Variants in COL23A1 observed in about 807,000 individuals in gnomAD.
The protein encoded by COL23A1 is collagen type XXIII alpha 1 chain.
COL23A1 carries 97 observed loss-of-function variants against 99.3 expected under a neutral mutation model. The ratio of observed to expected loss-of-function variants is 0.98; its 90% CI spans 0.83 to 1.16. COL23A1 has a LOEUF of 1.16. COL23A1 is among the 50% of genes most tolerant of loss of function. The probability of loss-of-function intolerance (pLI) is 0.00; values close to 1 mark genes in which losing one functional copy is unlikely to be tolerated. For missense variants in COL23A1, 762 were observed against 757.4 expected (o/e 1.01, Z -0.07); for synonymous variants, 320 against 308.2 (o/e 1.04, Z -0.40).
At chr5:178,441,459 T>G (rs185180053) in intron 2 of COL23A1, among the ~76,000 whole-genome samples, 1 of 152,192 alleles carries the variant, frequency 6.6e-6, no homozygotes, top group East Asian at 1.9e-4. Context: ...CACACACTAT[T>G]GAGAATTTTA....
rs975644010 is a variant in COL23A1, at chr5:178,309,649, T to C, written c.362-2730A>G. Among the ~76,000 whole-genome samples the C allele has an allele frequency of 2.0e-5, 3 of 150,906 alleles. No homozygotes were observed. Among genetic ancestry groups the C allele is most frequent in the Admixed American group, 2.0e-4 (3 of 15,182 alleles). ...CCCGACTTCCCACGCGCCCCCTGCC[T>C]CCCTTGTTACTTACCTGCAGGTCCC... On this transcript the variant is annotated intron_variant, in intron 2 of 28. Coordinates refer to ENST00000390654, the MANE Select transcript of COL23A1 (RefSeq NM_173465.4). This position sits in a 1 kb window ranked among gnomAD's most constrained non-coding sequence, Gnocchi z 4.7.
At chr5:178,380,898 A>AT (rs1331455184) in intron 2 of COL23A1, among the ~76,000 whole-genome samples, 1 of 152,188 alleles carries the variant, frequency 6.6e-6, no homozygotes, top group African/African-American at 2.4e-5. Flanking sequence ...TGAGCAGGGC[A>AT]GGGGAGTGGG....
intron 2 of COL23A1, among the ~76,000 whole-genome samples, chr5:178,486,413 C>G (rs1023562437): frequency 6.6e-6 from 1 of 152,096 alleles, no homozygotes; most frequent in Non-Finnish European, 1.5e-5. Flanking sequence ...GAGGGTGAAC[C>G]GTGATGAGAA....
intron 2 of COL23A1, among the ~76,000 whole-genome samples, chr5:178,530,395 G>A (rs1435849595): frequency 6.6e-6 from 1 of 152,146 alleles, no homozygotes; most frequent in Non-Finnish European, 1.5e-5. Flanking sequence ...CTGGAAAGTG[G>A]AGACTGCAGT....
At chr5:178,490,915 T>C (rs112951589) in intron 2 of COL23A1, among the ~76,000 whole-genome samples, 87 of 152,250 alleles carry the variant, frequency 5.7e-4, no homozygotes, top group African/African-American at 2.0e-3. Flanking sequence ...TCGAGGAGCT[T>C]GACTTTAAAA....
In COL23A1 at chr5:178,247,589, G is replaced by A. The variant is rs201805232; in HGVS notation, c.1270-37C>T. ...GGAAGCAGATAAGAAGGCTGGCTCC[G>A]GACCCTCTTGCAGTGGCCACTCACT... On this transcript the variant is annotated intron_variant, in intron 21 of 28. Transcript: ENST00000390654. 1.3e-4 allele frequency: 210 copies of A among 1,613,220 alleles called. 1 individual carries two copies. In the Admixed American group the frequency reaches 2.6e-3, roughly 20 times the overall value.
chr5:178,368,468 G>C (rs1254060353), intron 2 of COL23A1, among the ~76,000 whole-genome samples: 1 of 152,196 alleles, frequency 6.6e-6, no homozygotes, highest in Admixed American at 6.5e-5. Context: ...CATAGTGTAC[G>C]TTAGGGTTCA....
chr5:178,399,417 A>G (rs1365893367), intron 2 of COL23A1, among the ~76,000 whole-genome samples: 2 of 152,240 alleles, frequency 1.3e-5, no homozygotes. Flanking sequence ...GCCCAGTCCA[A>G]CACTTTTACA....
At chr5:178,514,584 G>A (rs1309336176) in intron 2 of COL23A1, among the ~76,000 whole-genome samples, 1 of 152,210 alleles carries the variant, frequency 6.6e-6, no homozygotes, top group African/African-American at 2.4e-5. Context: ...TCCACATCCT[G>A]AAGCCACAGG....
chr5:178,241,686 A>C (rs553452874), intron 27 of COL23A1, among the ~76,000 whole-genome samples: 81 of 152,284 alleles, frequency 5.3e-4, no homozygotes, highest in South Asian at 5.2e-3. Flanking sequence ...CTCCAGGTAA[A>C]GCCCCTCCAC....
intron 2 of COL23A1, among the ~76,000 whole-genome samples, chr5:178,543,783 G>T (rs986715319): frequency 6.6e-6 from 1 of 152,140 alleles, no homozygotes; most frequent in African/African-American, 2.4e-5. Context: ...TTTAGTCTGT[G>T]GGGGCTGCTC....
At chr5:178,499,080 A>G (rs763098984) in intron 2 of COL23A1, among the ~76,000 whole-genome samples, 1 of 152,160 alleles carries the variant, frequency 6.6e-6, no homozygotes, top group South Asian at 2.1e-4. Flanking sequence ...ACAGAGTGAG[A>G]TTCCATCTCA....
At position 178,238,566 on chromosome 5, in the gene COL23A1, G is replaced by T; in HGVS notation, c.*132C>A. 2 of 1,227,382 alleles carry T rather than the reference G, an allele frequency of 1.6e-6. No homozygotes were observed. Among genetic ancestry groups the T allele is most frequent in the Non-Finnish European group, 1.2e-6 (1 of 848,744 alleles). 76.0% of individuals were successfully genotyped at this position (1,227,382 alleles called of 1,614,324 possible). On this transcript the variant is annotated 3_prime_UTR_variant, in exon 29 of 29. Coordinates refer to ENST00000390654, the MANE Select transcript of COL23A1 (RefSeq NM_173465.4). ...ATGCCGGTGGCTTTGGGGCTGGGTG[G>T]GCATACTCTTGAATGTTAAAAGGCC... is the stretch of plus-strand genomic sequence containing the variant.
At chr5:178,312,033 C>T (rs555164977) in intron 2 of COL23A1, among the ~76,000 whole-genome samples, 4 of 152,116 alleles carry the variant, frequency 2.6e-5, no homozygotes, top group East Asian at 1.9e-4. Context: ...GCCCGGCCTG[C>T]GTAACTGGTT....
chr5:178,544,339 A>G lies in COL23A1; in HGVS notation c.361+16343T>C, dbSNP rs1413095701. Among the ~76,000 whole-genome samples, 1 of 152,180 alleles carries G rather than the reference A, an allele frequency of 6.6e-6. No homozygotes were observed. Among genetic ancestry groups the G allele is most frequent in the Non-Finnish European group, 1.5e-5 (1 of 68,038 alleles). ...GGAGCTCCTGGATCCCAAGGCGGGG[A>G]AGGCAAGTCGGCGGATGCGCACTTC... On this transcript the variant is annotated intron_variant, in intron 2 of 28. Coordinates refer to ENST00000390654, the MANE Select transcript of COL23A1 (RefSeq NM_173465.4). This position sits in a 1 kb window ranked among gnomAD's most constrained non-coding sequence, Gnocchi z 4.4.
chr5:178,485,886 C>A (rs926120254), intron 2 of COL23A1, among the ~76,000 whole-genome samples: 1 of 151,676 alleles, frequency 6.6e-6, no homozygotes. Flanking sequence ...GCCAGGGGAA[C>A]CTCAGCTCCA....
At chr5:178,376,478 G>A (rs992534637) in intron 2 of COL23A1, among the ~76,000 whole-genome samples, 3 of 152,228 alleles carry the variant, frequency 2.0e-5, no homozygotes, top group African/African-American at 7.2e-5. Context: ...GTGCTGGGGA[G>A]ACCCCCTGCA....
At chr5:178,341,599 C>A (rs1479604507) in intron 2 of COL23A1, among the ~76,000 whole-genome samples, 1 of 152,136 alleles carries the variant, frequency 6.6e-6, no homozygotes, top group Non-Finnish European at 1.5e-5. Flanking sequence ...TTGCTCTGGG[C>A]CCTGGGTGGG....
intron 5 of COL23A1, among the ~76,000 whole-genome samples, chr5:178,285,967 A>C (rs2127581228): frequency 6.6e-6 from 1 of 152,270 alleles, no homozygotes; most frequent in Non-Finnish European, 1.5e-5. Context: ...GGTCTCACGG[A>C]AGGAGTGGCC....
Sources: allele counts gnomAD v4.1 joint callset (sites outside exome capture counted in the v4.1 genomes callset), GRCh38; gene constraint gnomAD v4.1.1; non-coding constraint Gnocchi (gnomAD v3.1); transcripts MANE v1.5; gene names NCBI Gene and HGNC (gene_info 2026-07-23, HGNC 2026-07-21).